The following MOSPD2 variants were observed in gnomAD, a reference collection of about 807,000 sequenced individuals.
The protein encoded by MOSPD2 is motile sperm domain-containing protein 2.
A neutral mutation model predicts 41.7 loss-of-function variants in MOSPD2; 5 were observed. The ratio of observed to expected loss-of-function variants is 0.12; its 90% CI spans 0.06 to 0.25. MOSPD2 has a LOEUF of 0.25. Ranked by LOEUF, MOSPD2 falls within the 10% of genes least tolerant of loss-of-function variation. The pLI is 1.00. For synonymous variants in MOSPD2, 115 were observed against 126.9 expected (o/e 0.91, Z 0.63); for missense variants, 282 against 375.2 (o/e 0.75, Z 2.05).
intron 2 of MOSPD2, 127 bp downstream of exon 2, chrX:14,873,885 G>A (rs2092513332): frequency 3.5e-6 from 2 of 574,467 alleles, no homozygotes; most frequent in South Asian, 2.5e-5. Context: ...ATGATGCTGG[G>A]CACGTCTCAA....
At chrX:14,889,068 G>A (rs1435753120) in intron 2 of MOSPD2, among the ~76,000 whole-genome samples, 6 of 111,520 alleles carry the variant, frequency 5.4e-5, no homozygotes, top group African/African-American at 2.0e-4. Context: ...TGTCTAGTAA[G>A]GGCCTTCTTG....
intron 7 of MOSPD2, among the ~76,000 whole-genome samples, chrX:14,906,931 G>A (rs2092583288): frequency 9.0e-6 from 1 of 111,496 alleles, no homozygotes; most frequent in Non-Finnish European, 1.9e-5. Flanking sequence ...AGCTGAGGCA[G>A]GAGAATCGCT....
In MOSPD2 at chrX:14,921,340, G is replaced by A; in HGVS notation, c.*1531G>A. The A allele has an allele frequency of 1.1e-6, 1 of 936,097 alleles. No individual in the cohort carries two copies. The highest frequency in any genetic ancestry group is 1.3e-6 in the Non-Finnish European group (1 of 754,846). 77.1% of individuals were successfully genotyped at this position (936,097 alleles called of 1,213,427 possible). On this transcript the variant is annotated 3_prime_UTR_variant, in exon 15 of 15. Coordinates refer to ENST00000380492, the MANE Select transcript of MOSPD2 (RefSeq NM_152581.4). ...GGAAATAAAACCTTAAAAGGACACT[G>A]GTGTGCTACTTTGTCTTAATTTGGG...
At chrX:14,902,458 T>C (rs1357488956) in intron 6 of MOSPD2, among the ~76,000 whole-genome samples, 1 of 111,893 alleles carries the variant, frequency 8.9e-6, no homozygotes, top group African/African-American at 3.2e-5. Flanking sequence ...GAAATAATTT[T>C]TGTTTCTGAA....
intron 2 of MOSPD2, among the ~76,000 whole-genome samples, chrX:14,890,769 A>G (rs1353529598): frequency 1.8e-5 from 2 of 111,940 alleles, no homozygotes; most frequent in Non-Finnish European, 3.8e-5. Context: ...CTGGCCTTTC[A>G]GCTATTATCT....
Position 14,921,964 on chromosome X carries a change from T to C in MOSPD2, c.*2155T>C, listed in dbSNP as rs1348066902. On this transcript the variant is annotated 3_prime_UTR_variant, in exon 15 of 15. Coordinates refer to ENST00000380492, the MANE Select transcript of MOSPD2 (RefSeq NM_152581.4). ...GTTTTCACTTAGGAATGGAAATTAA[T>C]AGATTTTCCATGAAAGCATTAGTGA... 8.9e-6 allele frequency: 1 copy of C among 111,839 alleles called. No individual in the cohort carries two copies. The highest frequency in any genetic ancestry group is 1.9e-5 in the Non-Finnish European group (1 of 53,236). The allele number at this position is 111,839 out of a possible 1,213,427, so 9.2% of individuals were successfully genotyped here. A position where few individuals can be genotyped will look rare whatever the true frequency, so the allele number is the denominator to read the frequency against.
At chrX:14,886,786 G>C (rs2147482778) in intron 2 of MOSPD2, among the ~76,000 whole-genome samples, 1 of 111,108 alleles carries the variant, frequency 9.0e-6, no homozygotes, top group South Asian at 3.8e-4. Context: ...TCTAGGGGTG[G>C]GGCCCAGTAA....
intron 2 of MOSPD2, among the ~76,000 whole-genome samples, chrX:14,879,889 C>G: frequency 9.0e-6 from 1 of 110,498 alleles, no homozygotes; most frequent in East Asian, 2.8e-4. Flanking sequence ...GGTTTTAATG[C>G]CTTTGAATAC....
chrX:14,876,811 T>G lies in MOSPD2; in HGVS notation c.79+3053T>G, dbSNP rs1261172779. 2.7e-5 allele frequency among the ~76,000 whole-genome samples: 3 copies of G among 112,059 alleles called. No individual in the cohort carries two copies. The East Asian group carries it at 8.4e-4, about 31-fold the overall frequency. On this transcript the variant is annotated intron_variant, in intron 2 of 14. Coordinates refer to ENST00000380492, the MANE Select transcript of MOSPD2 (RefSeq NM_152581.4). The stretch of plus-strand genomic sequence containing the variant: ...TTAAAACAGAGATAGCTATTAAAAT[T>G]AAGGCAAATTGTATTAAGGGTAATG...
intron 8 of MOSPD2, among the ~76,000 whole-genome samples, chrX:14,910,961 A>AC (rs1569106062): frequency 1.3e-4 from 11 of 86,237 alleles, no homozygotes; most frequent in Middle Eastern, 5.7e-3. Flanking sequence ...CACACACACA[A>AC]ACAACATATA....
intron 2 of MOSPD2, among the ~76,000 whole-genome samples, chrX:14,881,149 T>A (rs2092530648): frequency 9.0e-6 from 1 of 111,584 alleles, no homozygotes; most frequent in East Asian, 2.8e-4. Context: ...CATTATTGTT[T>A]CATCTAAAGT....
intron 6 of MOSPD2, among the ~76,000 whole-genome samples, chrX:14,901,752 A>G (rs1427978860): frequency 9.1e-6 from 1 of 110,494 alleles, no homozygotes; most frequent in East Asian, 2.8e-4. Flanking sequence ...TCACTACCCC[A>G]TAGTTTTAGT....
intron 6 of MOSPD2, among the ~76,000 whole-genome samples, chrX:14,902,512 G>C (rs182523536): frequency 8.9e-6 from 1 of 111,821 alleles, no homozygotes; most frequent in East Asian, 2.8e-4. Flanking sequence ...CTGTGAGACT[G>C]GTTTAACAAT....
intron 3 of MOSPD2, among the ~76,000 whole-genome samples, chrX:14,894,991 G>C (rs2092560529): frequency 8.9e-6 from 1 of 111,825 alleles, no homozygotes; most frequent in African/African-American, 3.3e-5. Context: ...TTACTAGAAT[G>C]TTCTCTTGAA....
At chrX:14,904,089 C>T (rs1258949649) in intron 7 of MOSPD2, among the ~76,000 whole-genome samples, 1 of 112,087 alleles carries the variant, frequency 8.9e-6, no homozygotes, top group Non-Finnish European at 1.9e-5. Context: ...GAAGAATCAA[C>T]ATGAATCCTT....
At chrX:14,910,302 A>G (rs1462219432) in intron 8 of MOSPD2, among the ~76,000 whole-genome samples, 1 of 111,268 alleles carries the variant, frequency 9.0e-6, no homozygotes, top group Non-Finnish European at 1.9e-5. Context: ...CAAGTTTTCT[A>G]TCCCTCTGGA....
chrX:14,875,960 C>G lies in MOSPD2; in HGVS notation c.79+2202C>G, dbSNP rs575751395. ...GCCTATAGACATTGAGAGTAGAGGC[C>G]TTGTGTGTCTTACTCACCTTTGTAT... On this transcript the variant is annotated intron_variant, in intron 2 of 14. Coordinates refer to ENST00000380492, the MANE Select transcript of MOSPD2 (RefSeq NM_152581.4). Among the ~76,000 whole-genome samples, 17 of 111,686 alleles carry G rather than the reference C, an allele frequency of 1.5e-4. No homozygotes were observed. The South Asian group carries it at 5.5e-3, about 36-fold the overall frequency.
intron 13 of MOSPD2, among the ~76,000 whole-genome samples, chrX:14,916,875 G>A (rs1602042294): frequency 8.9e-6 from 1 of 112,276 alleles, no homozygotes; most frequent in African/African-American, 3.2e-5. Context: ...ATACATGTAT[G>A]TGCATGTATA....
intron 2 of MOSPD2, among the ~76,000 whole-genome samples, chrX:14,877,915 T>A (rs1276852694): frequency 9.3e-6 from 1 of 107,306 alleles, no homozygotes; most frequent in Non-Finnish European, 1.9e-5. Context: ...GAGGTGGAGC[T>A]TGCAGTGAGC....
Sources: gnomAD v4.1 joint callset for allele counts (sites outside exome capture counted in the v4.1 genomes callset) on GRCh38, gnomAD v4.1.1 for gene constraint, MANE v1.5 for transcripts, NCBI Gene and HGNC (gene_info 2026-07-23, HGNC 2026-07-21) for gene names.